DLC1: variants seen among roughly 807,000 people sequenced by gnomAD.
DLC1 encodes the protein DLC1 Rho GTPase activating protein.
In DLC1, 54 loss-of-function variants were observed where a neutral mutation model predicts 140.3. The ratio of observed to expected loss-of-function variants is 0.38; its 90% confidence interval spans 0.31 to 0.48. The LOEUF is 0.48. DLC1 is among the 20% of genes least tolerant of loss of function. The pLI is 0.96. For synonymous variants in DLC1, 986 were observed against 728.1 expected (o/e 1.35, Z -5.70); for missense variants, 2,536 against 1,907.0 (o/e 1.33, Z -6.14).
intron 4 of DLC1, among the ~76,000 whole-genome samples, chr8:13,326,553 G>T (rs982301635): frequency 6.6e-6 from 1 of 152,138 alleles, no homozygotes; most frequent in East Asian, 1.9e-4. Context: ...ACCAACATTG[G>T]CTCCAAATTA....
chr8:13,304,011 G>A (rs539475265), intron 5 of DLC1, among the ~76,000 whole-genome samples: 1 of 152,136 alleles, frequency 6.6e-6, no homozygotes, highest in Admixed American at 6.5e-5. Context: ...TTCTTGGGGT[G>A]TGAAAAAACT....
intron 2 of DLC1, among the ~76,000 whole-genome samples, chr8:13,416,053 C>A (rs944525331): frequency 6.6e-6 from 1 of 152,150 alleles, no homozygotes; most frequent in Non-Finnish European, 1.5e-5. Context: ...TCTACCTAGA[C>A]ACTGCTCAGC....
At chr8:13,426,689 C>T (rs750933028) in intron 2 of DLC1, among the ~76,000 whole-genome samples, 2 of 152,158 alleles carry the variant, frequency 1.3e-5, no homozygotes, top group African/African-American at 4.8e-5. Context: ...ATCAGTCCTT[C>T]TTCCTCGCAG....
intron 4 of DLC1, among the ~76,000 whole-genome samples, chr8:13,363,508 C>G (rs1835338912): frequency 6.6e-6 from 1 of 151,970 alleles, no homozygotes; most frequent in African/African-American, 2.4e-5. Flanking sequence ...GAAACTGAAC[C>G]TAGCTCTTTT....
At chr8:13,212,209 A>C (rs1827981315) in intron 5 of DLC1, among the ~76,000 whole-genome samples, 1 of 152,208 alleles carries the variant, frequency 6.6e-6, no homozygotes, top group Non-Finnish European at 1.5e-5. Flanking sequence ...ATGGCTTTTT[A>C]AAAATATCAG....
At chr8:13,436,400 C>G (rs1839124332) in intron 2 of DLC1, among the ~76,000 whole-genome samples, 3 of 152,162 alleles carry the variant, frequency 2.0e-5, no homozygotes. Flanking sequence ...ATTCAATTAC[C>G]TATCAAGAGT....
rs201136617 is a variant in DLC1, at chr8:13,092,673, C to T, written c.3679G>A (p.Val1227Met). ...ENQMTPTNLA[V>M]CLAPSLFHLN... ...TGGAAGAGGGAAGGCGCTAAGCACA[C>T]GGCCAGGTTGGTTGGGGTCATCTGG... The change falls in exon 13 of 18, where the codon GTG becomes ATG. Residue 1227 changes from valine to methionine, a missense_variant. Transcript: ENST00000276297. The T allele has an allele frequency of 1.3e-5, 21 of 1,614,060 alleles. No individual in the cohort carries two copies. The highest frequency in any genetic ancestry group is 7.7e-5 in the South Asian group (7 of 91,082).
intron 4 of DLC1, among the ~76,000 whole-genome samples, chr8:13,363,656 G>T (rs1028782298): frequency 1.3e-5 from 2 of 151,702 alleles, no homozygotes; most frequent in African/African-American, 2.4e-5. Context: ...CCATAAAATT[G>T]AAAACAAACA....
Position 13,499,513 on chromosome 8 carries a change from T to C in DLC1, c.559A>G (p.Ile187Val), listed in dbSNP as rs774997042. ...TTGCAAAGCTCCAGGCTTTTACTTA[T>C]AGAGTCAGTAACTTTTCTCTCCCCA... Reference protein sequence around the residue: ...ESGERKVTDSISKSLELCNEI... With the variant: ...ESGERKVTDSVSKSLELCNEI... Residue 187 changes from isoleucine (I) to valine (V), a missense_variant, in exon 2 of 18, where the codon ATA becomes GTA. Coordinates refer to ENST00000276297, the MANE Select transcript of DLC1 (RefSeq NM_182643.3). The C allele has an allele frequency of 2.7e-5, 44 of 1,614,076 alleles. No homozygotes were observed. The highest frequency in any genetic ancestry group is 2.0e-4 in the East Asian group (9 of 44,892).
At chr8:13,456,407 T>C (rs977335812) in intron 2 of DLC1, among the ~76,000 whole-genome samples, 2 of 152,020 alleles carry the variant, frequency 1.3e-5, no homozygotes, top group East Asian at 1.9e-4. Flanking sequence ...CTTGTGGGAG[T>C]TGACAGGTAG....
At chr8:13,198,533 A>C (rs1827199100) in intron 5 of DLC1, among the ~76,000 whole-genome samples, 1 of 152,222 alleles carries the variant, frequency 6.6e-6, no homozygotes, top group African/African-American at 2.4e-5. Context: ...AAACTTTACA[A>C]AAAAGTTATT....
At chr8:13,551,096 A>G (rs917258187) in intron 1 of DLC1, among the ~76,000 whole-genome samples, 1 of 128,094 alleles carries the variant, frequency 7.8e-6, no homozygotes. Flanking sequence ...TTTCCAAAGA[A>G]CACTTTGTGA....
chr8:13,519,017 G>T (rs900866867), upstream of DLC1, among the ~76,000 whole-genome samples: 1 of 151,690 alleles, frequency 6.6e-6, no homozygotes, highest in Non-Finnish European at 1.5e-5. Flanking sequence ...TATACTATAA[G>T]TTCTAGGGTA....
At chr8:13,508,478 C>A (rs572866767) in intron 1 of DLC1, among the ~76,000 whole-genome samples, 1 of 148,588 alleles carries the variant, frequency 6.7e-6, no homozygotes, top group Non-Finnish European at 1.5e-5. Flanking sequence ...AGTGCAGTGG[C>A]GCGATCTGGG....
chr8:13,587,146 A>G (rs961656352), intron 1 of DLC1, among the ~76,000 whole-genome samples: 1 of 151,782 alleles, frequency 6.6e-6, no homozygotes, highest in Non-Finnish European at 1.5e-5. Flanking sequence ...GCACATATAC[A>G]CCACAAGCCT....
chr8:13,267,796 C>T (rs1201502613), intron 5 of DLC1, among the ~76,000 whole-genome samples: 1 of 146,316 alleles, frequency 6.8e-6, no homozygotes, highest in Non-Finnish European at 1.5e-5. Flanking sequence ...GTGCTCATTA[C>T]CTGAGCACAT....
intron 1 of DLC1, among the ~76,000 whole-genome samples, chr8:13,537,820 A>AT (rs368577668): frequency 4.2e-4 from 63 of 151,776 alleles, no homozygotes; most frequent in Admixed American, 1.3e-3. Context: ...TGCCCGCCTA[A>AT]TTTTTTGTAT....
intron 2 of DLC1, among the ~76,000 whole-genome samples, chr8:13,423,915 G>A (rs1838434922): frequency 6.6e-6 from 1 of 152,042 alleles, no homozygotes; most frequent in Non-Finnish European, 1.5e-5. Context: ...GCCCATCCGA[G>A]GGGAAAATAA....
chr8:13,323,147 A>C (rs10888182), intron 4 of DLC1, among the ~76,000 whole-genome samples: 143,477 of 152,260 alleles, frequency 0.94, 67,942 homozygotes, highest in East Asian at 1. Context: ...AATTTCTGGC[A>C]CACGGCAACT....
Sources: allele counts gnomAD v4.1 joint callset (sites outside exome capture counted in the v4.1 genomes callset), GRCh38; gene constraint gnomAD v4.1.1; transcripts MANE v1.5; gene names NCBI Gene and HGNC (gene_info 2026-07-23, HGNC 2026-07-21).